Variants in ADARB1 observed in about 807,000 individuals in gnomAD.
ADARB1 encodes double-stranded RNA-specific editase 1.
A neutral mutation model predicts 52.4 loss-of-function variants in ADARB1; 10 were observed. The ratio of observed to expected loss-of-function variants is 0.19; its 90% CI spans 0.12 to 0.32. ADARB1 has a LOEUF of 0.32. Ranked by LOEUF, ADARB1 falls within the 10% of genes least tolerant of loss-of-function variation. The pLI, the probability that ADARB1 is intolerant of heterozygous loss-of-function variation, is 1.00. For missense variants in ADARB1, 643 were observed against 922.3 expected, an observed-to-expected ratio of 0.70 and a Z score of 3.92; for synonymous variants, 349 against 371.1, an observed-to-expected ratio of 0.94 and a Z score of 0.68.
At chr21:45,089,070 C>T (rs376645270) in intron 1 of ADARB1, among the ~76,000 whole-genome samples, 19 of 152,210 alleles carry the variant, frequency 1.2e-4, no homozygotes, top group Middle Eastern at 3.4e-3. Flanking sequence ...GAACAGAAGC[C>T]GGTATTGGTG....
intron 9 of ADARB1, among the ~76,000 whole-genome samples, chr21:45,205,072 A>C (rs2092640112): frequency 6.6e-6 from 1 of 152,164 alleles, no homozygotes; most frequent in African/African-American, 2.4e-5. Context: ...CAGCCTGAGA[A>C]AAATGGCAAA....
chr21:45,090,990 A>G (rs2086540465), intron 1 of ADARB1, among the ~76,000 whole-genome samples: 1 of 152,268 alleles, frequency 6.6e-6, no homozygotes, highest in Non-Finnish European at 1.5e-5. Flanking sequence ...AATGTTGGGC[A>G]TTGCTGCCAT....
At chr21:45,218,579 G>T (rs1008271740) in intron 9 of ADARB1, among the ~76,000 whole-genome samples, 3 of 152,118 alleles carry the variant, frequency 2.0e-5, no homozygotes, top group African/African-American at 7.2e-5. Flanking sequence ...CTTCCTTCCG[G>T]TACTCTGTCT....
At chr21:45,094,957 A>G (rs1253783798) in intron 1 of ADARB1, among the ~76,000 whole-genome samples, 1 of 152,152 alleles carries the variant, frequency 6.6e-6, no homozygotes, top group Non-Finnish European at 1.5e-5. Context: ...TCTGCTGCCC[A>G]TGTGCTGGGC....
chr21:45,218,363 T>G (rs1424228146), intron 9 of ADARB1, among the ~76,000 whole-genome samples: 1 of 152,254 alleles, frequency 6.6e-6, no homozygotes, highest in African/African-American at 2.4e-5. Context: ...TAATACATTG[T>G]AGTTTTCCTC....
At chr21:45,102,081 G>A (rs552566932) in intron 1 of ADARB1, among the ~76,000 whole-genome samples, 83 of 152,192 alleles carry the variant, frequency 5.5e-4, no homozygotes, top group Admixed American at 5.1e-3. Context: ...TTGTAGAGAC[G>A]GAGTCTTGCT....
rs950401488 is a variant in ADARB1 at position 45,206,773 on chromosome 21, C to T, written c.1747+2037C>T. On this transcript the variant is annotated intron_variant, in intron 9 of 10. Transcript: ENST00000348831. ...ATTTTTAGTAGAGACGGGGTTTCAC[C>T]ATGTTGACCAGGCTGGTCTTGAATT... 8.5e-5 allele frequency among the ~76,000 whole-genome samples: 13 copies of T among 152,132 alleles called. No individual in the cohort carries two copies. The East Asian group carries it at 2.3e-3, about 27-fold the overall frequency.
chr21:45,207,119 A>G (rs2092683177), intron 9 of ADARB1, among the ~76,000 whole-genome samples: 2 of 152,312 alleles, frequency 1.3e-5, no homozygotes, highest in Non-Finnish European at 1.5e-5. Context: ...CCACTGTCCT[A>G]TGAAAATAAA....
chr21:45,138,186 T>G (rs905380281), intron 2 of ADARB1, among the ~76,000 whole-genome samples: 1 of 152,236 alleles, frequency 6.6e-6, no homozygotes, highest in African/African-American at 2.4e-5. Flanking sequence ...CATCCTGCAC[T>G]TGCTATTGTT....
Position 45,157,377 on chromosome 21 carries a change from A to T in ADARB1, c.-47-14233A>T, listed in dbSNP as rs1413412054. On this transcript the variant is annotated intron_variant, in intron 2 of 10. Transcript: ENST00000348831. The surrounding 1 kb of genome is among the most constrained non-coding windows in gnomAD (Gnocchi z 4.1). ...TCTTTTTTTTCCCTTTGATTCCAGA[A>T]AATTAACTACAATTTTCAAATAAGC... 6.6e-6 allele frequency among the ~76,000 whole-genome samples: 1 copy of T among 152,234 alleles called. No homozygotes were observed. Among genetic ancestry groups the T allele is most frequent in the Non-Finnish European group, 1.5e-5 (1 of 68,044 alleles).
rs116532603 is a variant in ADARB1, at chr21:45,077,959, G to A, written c.-220+3166G>A. Reference sequence around the variant, plus strand: ...AGCGCAGTAGCCCACAGAGGTCTTCGTGGCAGGGCTTACCGCACCTTCCAT... The same window carrying A: ...AGCGCAGTAGCCCACAGAGGTCTTCATGGCAGGGCTTACCGCACCTTCCAT... On this transcript the variant is annotated intron_variant, in intron 1 of 10. Transcript: ENST00000348831. Among the ~76,000 whole-genome samples, 283 of 152,268 alleles carry A rather than the reference G, an allele frequency of 1.9e-3. 3 individuals carry two copies. Among genetic ancestry groups the A allele is most frequent in the African/African-American group, 6.2e-3 (259 of 41,552 alleles).
chr21:45,127,382 AATTCCAGGCTGATAGAGC>A (rs2088654548), intron 1 of ADARB1, among the ~76,000 whole-genome samples: 1 of 152,134 alleles, frequency 6.6e-6, no homozygotes, highest in Non-Finnish European at 1.5e-5. Flanking sequence ...TGTGACCTGT[AATTCCAGGCTGATAGAGC>A]ATTTTCAGTG....
At chr21:45,149,818 C>CA (rs2090192311) in intron 2 of ADARB1, among the ~76,000 whole-genome samples, 2 of 152,226 alleles carry the variant, frequency 1.3e-5, no homozygotes, top group Non-Finnish European at 2.9e-5. Flanking sequence ...TAATGCGGGG[C>CA]TAGCGCACAG....
At chr21:45,099,279 A>T (rs886785323) in intron 1 of ADARB1, among the ~76,000 whole-genome samples, 1 of 152,110 alleles carries the variant, frequency 6.6e-6, no homozygotes, top group Admixed American at 6.5e-5. Context: ...TTATTCCTTT[A>T]ATGAAGCTAT....
chr21:45,174,990 C>T (rs1045398669), intron 3 of ADARB1, among the ~76,000 whole-genome samples: 8 of 152,150 alleles, frequency 5.3e-5, no homozygotes, highest in Non-Finnish European at 7.4e-5. Flanking sequence ...TATCATGGAA[C>T]GATATTAAGG....
chr21:45,152,725 T>C (rs2090361073), intron 2 of ADARB1: 1 of 419,022 alleles, frequency 2.4e-6, no homozygotes, highest in African/African-American at 2.1e-5. Flanking sequence ...CATTTAGTTT[T>C]TATTCTTCAG....
rs747059653 is a variant in ADARB1 at position 45,176,012 on chromosome 21, T to C, written c.311T>C (p.Val104Ala). The C allele has an allele frequency of 1.2e-6, 2 of 1,614,192 alleles. No individual in the cohort carries two copies. The highest frequency in any genetic ancestry group is 1.7e-6 in the Non-Finnish European group (2 of 1,180,028). ...QYTLLSQTGP[V>A]HAPLFVMSVE... ...ACACTCCTGTCCCAGACTGGGCCCGTGCACGCGCCTTTGTTTGTCATGTCT... is the reference window on the plus strand; with the variant it reads ...ACACTCCTGTCCCAGACTGGGCCCGCGCACGCGCCTTTGTTTGTCATGTCT... Residue 104 changes from valine to alanine, a missense_variant, in exon 4 of 11, where the codon GTG becomes GCG. Physicochemically the swap from Val to Ala is moderately conservative, Grantham distance 64. Coordinates refer to ENST00000348831, the MANE Select transcript of ADARB1 (RefSeq NM_001112.4). This position sits in a 1 kb window ranked among gnomAD's most constrained non-coding sequence, Gnocchi z 5.8.
At chr21:45,105,759 AC>A (rs1329462076) in intron 1 of ADARB1, among the ~76,000 whole-genome samples, 1 of 152,176 alleles carries the variant, frequency 6.6e-6, no homozygotes, top group Non-Finnish European at 1.5e-5. Flanking sequence ...CTTCGTGAAA[AC>A]GTATTGTTGG....
intron 2 of ADARB1, among the ~76,000 whole-genome samples, chr21:45,171,159 T>C (rs1476254732): frequency 6.6e-6 from 1 of 152,222 alleles, no homozygotes; most frequent in African/African-American, 2.4e-5. Context: ...CATGGCGTGT[T>C]GTGTCCTTAG....
Sources: gnomAD v4.1 joint callset for allele counts (sites outside exome capture counted in the v4.1 genomes callset) on GRCh38, gnomAD v4.1.1 for gene constraint, Gnocchi (gnomAD v3.1) non-coding constraint, MANE v1.5 for transcripts, NCBI Gene and HGNC (gene_info 2026-07-23, HGNC 2026-07-21) for gene names.